Variants in VPS13B observed in about 807,000 individuals in gnomAD.
VPS13B encodes vacuolar protein sorting 13 homolog B, also known as intermembrane lipid transfer protein VPS13B.
A neutral mutation model predicts 426.4 loss-of-function variants in VPS13B; 285 were observed. That is an observed-to-expected ratio of 0.67 (90% CI 0.61 to 0.74). The LOEUF is 0.74. Among genes scored for constraint, VPS13B ranks in the 30% least tolerant of loss-of-function variants. The pLI, the probability that VPS13B is intolerant of heterozygous loss-of-function variation, is 0.00. For missense variants in VPS13B, 4,537 were observed against 4,782.6 expected (o/e 0.95, Z 1.51); for synonymous variants, 1,676 against 1,676.4 (o/e 1.00, Z 0.01).
Position 99,876,617 on chromosome 8 carries a change from G to GACTT in VPS13B, c.*952_*955dup, listed in dbSNP as rs1817712785. On this transcript the variant is annotated 3_prime_UTR_variant, in exon 62 of 62. Coordinates refer to ENST00000357162, the MANE Select transcript of VPS13B (RefSeq NM_152564.5). ...TCCATTTTGTTTATTCTGTGGAATT[G>GACTT]ACTTGACAAAGCATGAAGATATTCC... 1 of 152,118 alleles carries GACTT rather than the reference G, an allele frequency of 6.6e-6. No homozygotes were observed. Among genetic ancestry groups the GACTT allele is most frequent in the African/African-American group, 2.4e-5 (1 of 41,420 alleles). The allele number at this position is 152,118 out of a possible 1,614,324, so 9.4% of individuals were successfully genotyped here.
intron 21 of VPS13B, among the ~76,000 whole-genome samples, chr8:99,427,655 G>A (rs1816802029): frequency 6.6e-6 from 1 of 151,870 alleles, no homozygotes. Context: ...ACAAATGGAA[G>A]AACATTCCAT....
chr8:99,424,007 G>T (rs1816534646), intron 21 of VPS13B, among the ~76,000 whole-genome samples: 1 of 152,058 alleles, frequency 6.6e-6, no homozygotes, highest in African/African-American at 2.4e-5. Context: ...TTGACAGTGG[G>T]GTGTTAAGTC....
chr8:99,298,322 C>T (rs1392481291), intron 19 of VPS13B, among the ~76,000 whole-genome samples: 1 of 152,044 alleles, frequency 6.6e-6, no homozygotes, highest in African/African-American at 2.4e-5. Flanking sequence ...AACCCCGTCT[C>T]TACTAAAAAC....
intron 33 of VPS13B, among the ~76,000 whole-genome samples, chr8:99,596,410 A>C (rs139783316): frequency 1.3e-3 from 203 of 152,144 alleles, no homozygotes; most frequent in African/African-American, 4.6e-3. Context: ...GACACTCAAA[A>C]TAGATATGAG....
At chr8:99,607,097 C>T (rs77403480) in intron 33 of VPS13B, among the ~76,000 whole-genome samples, 6,933 of 152,228 alleles carry the variant, frequency 0.046, 167 homozygotes, top group East Asian at 0.06. Context: ...GTAAAAAACA[C>T]AGTATCTGTG....
intron 29 of VPS13B, among the ~76,000 whole-genome samples, chr8:99,519,532 G>A (rs566849156): frequency 8.5e-5 from 13 of 152,112 alleles, no homozygotes; most frequent in Non-Finnish European, 1.0e-4. Context: ...ATTCACAATA[G>A]CAAAGACTTG....
At chr8:99,337,206 C>T (rs919279918) in intron 19 of VPS13B, among the ~76,000 whole-genome samples, 5 of 152,060 alleles carry the variant, frequency 3.3e-5, no homozygotes, top group African/African-American at 7.2e-5. Context: ...ATTTCATGTC[C>T]TTTGTAGGGA....
At chr8:99,520,389 TTG>T (rs140216567) in intron 29 of VPS13B, among the ~76,000 whole-genome samples, 8,802 of 138,428 alleles carry the variant, frequency 0.064, 317 homozygotes, top group Middle Eastern at 0.19. Context: ...GTGATATACT[TTG>T]TGTGTGTGTG....
chr8:99,596,541 G>T (rs1337134265), intron 33 of VPS13B, among the ~76,000 whole-genome samples: 1 of 151,878 alleles, frequency 6.6e-6, no homozygotes, highest in Non-Finnish European at 1.5e-5. Context: ...CATCTCTGAG[G>T]TATCTCACTG....
At chr8:99,807,891 A>AT (rs893414538) in intron 43 of VPS13B, among the ~76,000 whole-genome samples, 2 of 150,148 alleles carry the variant, frequency 1.3e-5, no homozygotes, top group African/African-American at 4.9e-5. Context: ...AAAAAAAAAA[A>AT]GCCCTATCTT....
chr8:99,469,918 G>A (rs980275724), intron 24 of VPS13B, among the ~76,000 whole-genome samples: 1 of 152,124 alleles, frequency 6.6e-6, no homozygotes, highest in Non-Finnish European at 1.5e-5. Context: ...GATTGAACTA[G>A]TGGAGCTGTA....
intron 19 of VPS13B, among the ~76,000 whole-genome samples, chr8:99,309,185 G>T (rs573002003): frequency 6.6e-6 from 1 of 151,974 alleles, no homozygotes; most frequent in Non-Finnish European, 1.5e-5. Flanking sequence ...CTTTAGTTTA[G>T]TTAGATCCCA....
intron 33 of VPS13B, among the ~76,000 whole-genome samples, chr8:99,610,844 T>TTTCTTATTCTATTCTATTTTCTTA (rs1827817927): frequency 6.6e-6 from 1 of 152,208 alleles, no homozygotes; most frequent in Admixed American, 6.5e-5. Flanking sequence ...AGTAGTGAAT[T>TTTCTTATTCTATTCTATTTTCTTA]TTCTTATTCT....
Position 99,099,984 on chromosome 8 carries a change from C to A in VPS13B, c.413-2969C>A, listed in dbSNP as rs570528604. On this transcript the variant is annotated intron_variant, in intron 4 of 61. Transcript: ENST00000357162. Reference sequence around the variant, plus strand: ...TATTTTCAGATGCGTGTGGAGTAGACCCGGATGATGAACAAATATACTCCC... The same window carrying A: ...TATTTTCAGATGCGTGTGGAGTAGAACCGGATGATGAACAAATATACTCCC... Among the ~76,000 whole-genome samples, 4 of 152,098 alleles carry A rather than the reference C, an allele frequency of 2.6e-5. No individual in the cohort carries two copies. In the South Asian group the frequency reaches 6.2e-4, roughly 24 times the overall value.
intron 21 of VPS13B, among the ~76,000 whole-genome samples, chr8:99,403,867 G>A (rs182617461): frequency 1.3e-5 from 2 of 152,292 alleles, no homozygotes; most frequent in Admixed American, 1.3e-4. Context: ...ATGGTAAATT[G>A]ATTATGAAGG....
chr8:99,835,394 G>T, intron 53 of VPS13B, 70 bp downstream of exon 53: 1 of 1,545,600 alleles, frequency 6.5e-7, no homozygotes, highest in South Asian at 1.1e-5. Context: ...TGATTTAGTA[G>T]TTACCTGTGA....
chr8:99,834,926 G>A (rs529948925), intron 52 of VPS13B, among the ~76,000 whole-genome samples: 1 of 152,270 alleles, frequency 6.6e-6, no homozygotes, highest in African/African-American at 2.4e-5. Flanking sequence ...CATATGCATG[G>A]GGGAAGAAAA....
At chr8:99,222,296 G>A (rs969527067) in intron 17 of VPS13B, among the ~76,000 whole-genome samples, 2 of 152,112 alleles carry the variant, frequency 1.3e-5, no homozygotes, top group African/African-American at 4.8e-5. Flanking sequence ...TTCCTTCCCA[G>A]TTCACCCCCA....
intron 34 of VPS13B, among the ~76,000 whole-genome samples, chr8:99,645,257 T>G (rs1029442513): frequency 1.3e-5 from 2 of 152,204 alleles, no homozygotes; most frequent in African/African-American, 4.8e-5. Context: ...ATTCTGTCAC[T>G]TATATGTATA....
Sources: gnomAD v4.1 joint callset for allele counts (sites outside exome capture counted in the v4.1 genomes callset) on GRCh38, gnomAD v4.1.1 for gene constraint, MANE v1.5 for transcripts, NCBI Gene and HGNC (gene_info 2026-07-23, HGNC 2026-07-21) for gene names.